ST6GALNAC5: variants seen among roughly 807,000 people sequenced by gnomAD.
ST6GALNAC5 encodes the protein alpha-N-acetylgalactosaminide alpha-2,6-sialyltransferase 5.
ST6GALNAC5 carries 27 observed loss-of-function variants against 33.6 expected under a neutral mutation model. That is an observed-to-expected ratio of 0.80 (90% CI 0.59 to 1.11). ST6GALNAC5 has a LOEUF of 1.11. Among genes scored for constraint, ST6GALNAC5 ranks in the 50% least tolerant of loss-of-function variants. ST6GALNAC5 has a pLI of 0.00. For missense variants in ST6GALNAC5, 428 were observed against 454.0 expected (o/e 0.94, Z 0.52); for synonymous variants, 194 against 171.2 (o/e 1.13, Z -1.04).
chr1:76,982,648 G>A (rs1019940544), intron 2 of ST6GALNAC5, among the ~76,000 whole-genome samples: 11 of 152,022 alleles, frequency 7.2e-5, no homozygotes, highest in African/African-American at 9.7e-5. Flanking sequence ...ATTCAAATTC[G>A]GGAAATACAG....
At chr1:76,952,009 C>G (rs778478396) in intron 2 of ST6GALNAC5, among the ~76,000 whole-genome samples, 7 of 152,134 alleles carry the variant, frequency 4.6e-5, no homozygotes, top group Non-Finnish European at 8.8e-5. Flanking sequence ...TAACAGTTTT[C>G]AAATAATAGA....
At chr1:76,940,655 C>T (rs1427850187) in intron 2 of ST6GALNAC5, among the ~76,000 whole-genome samples, 4 of 152,018 alleles carry the variant, frequency 2.6e-5, no homozygotes, top group African/African-American at 9.7e-5. Flanking sequence ...TGGTTCTTTG[C>T]CCCAGCTAGA....
chr1:76,869,238 C>T (rs891740647), intron 2 of ST6GALNAC5, among the ~76,000 whole-genome samples: 1 of 152,164 alleles, frequency 6.6e-6, no homozygotes, highest in Non-Finnish European at 1.5e-5. Flanking sequence ...GCTGAATTCT[C>T]TCAGCCCTGG....
chr1:76,965,941 C>A (rs778065239), intron 2 of ST6GALNAC5, among the ~76,000 whole-genome samples: 7 of 152,102 alleles, frequency 4.6e-5, no homozygotes, highest in Non-Finnish European at 8.8e-5. Flanking sequence ...ATTTCTGAGG[C>A]CTCTGTTCTG....
chr1:76,973,729 T>C (rs1648862575), intron 2 of ST6GALNAC5, among the ~76,000 whole-genome samples: 1 of 152,156 alleles, frequency 6.6e-6, no homozygotes, highest in African/African-American at 2.4e-5. Context: ...TATGATTTCA[T>C]TTTTAATAGG....
At chr1:76,876,715 G>T (rs543668561) in intron 2 of ST6GALNAC5, among the ~76,000 whole-genome samples, 1 of 152,178 alleles carries the variant, frequency 6.6e-6, no homozygotes. Context: ...TGCCCACTGC[G>T]AAGATTTCCC....
intron 2 of ST6GALNAC5, among the ~76,000 whole-genome samples, chr1:76,978,213 T>C (rs1649099332): frequency 6.6e-6 from 1 of 152,230 alleles, no homozygotes; most frequent in Non-Finnish European, 1.5e-5. Flanking sequence ...TTACATATTC[T>C]GCATATTAAC....
intron 2 of ST6GALNAC5, among the ~76,000 whole-genome samples, chr1:77,025,548 T>C (rs1334351693): frequency 6.7e-6 from 1 of 150,036 alleles, no homozygotes; most frequent in Non-Finnish European, 1.5e-5. Context: ...ATAGAGTAGA[T>C]CAATTTTGAT....
intron 2 of ST6GALNAC5, among the ~76,000 whole-genome samples, chr1:76,985,035 A>T (rs573779816): frequency 1.4e-3 from 207 of 152,354 alleles, no homozygotes; most frequent in Non-Finnish European, 2.7e-3. Context: ...AGAACTATTT[A>T]TGACAAACCC....
At chr1:76,896,224 CT>C (rs1490507029) in intron 2 of ST6GALNAC5, among the ~76,000 whole-genome samples, 2 of 152,188 alleles carry the variant, frequency 1.3e-5, no homozygotes, top group Admixed American at 6.5e-5. Context: ...AGGCCTCTAC[CT>C]ATCCAGTGAA....
rs1381693985 is a variant in ST6GALNAC5, at chr1:77,015,080, CACACACAT to C, written c.262-29123_262-29116del. Among the ~76,000 whole-genome samples the C allele has an allele frequency of 3.6e-3, 460 of 128,804 alleles. 2 individuals are homozygous for C. Among genetic ancestry groups the C allele is most frequent in the African/African-American group, 0.012 (309 of 25,974 alleles). 84.5% of individuals were successfully genotyped at this position (128,804 alleles called of 152,430 possible). A position where few individuals can be genotyped will look rare whatever the true frequency, so the allele number is the denominator to read the frequency against. On this transcript the variant is annotated intron_variant, in intron 2 of 4. Coordinates refer to ENST00000477717, the MANE Select transcript of ST6GALNAC5 (RefSeq NM_030965.3). Reference sequence around the variant, plus strand: ...ACACACACACACACACACACACACACACACACATGGAGCTTTATTATGAGAAGTTGGCT... The same window carrying C: ...ACACACACACACACACACACACACACGGAGCTTTATTATGAGAAGTTGGCT...
intron 4 of ST6GALNAC5, among the ~76,000 whole-genome samples, chr1:77,051,360 C>T (rs928277127): frequency 6.6e-6 from 1 of 152,026 alleles, no homozygotes; most frequent in African/African-American, 2.4e-5. Flanking sequence ...AAGAGTCAGG[C>T]CGCAAAGGAG....
At chr1:76,965,215 A>C (rs915906840) in intron 2 of ST6GALNAC5, among the ~76,000 whole-genome samples, 76 of 150,818 alleles carry the variant, frequency 5.0e-4, no homozygotes, top group Non-Finnish European at 7.8e-4. Context: ...TTAGTTTACC[A>C]CCCCCCCCAC....
intron 2 of ST6GALNAC5, among the ~76,000 whole-genome samples, chr1:76,888,718 T>C (rs762624560): frequency 6.6e-6 from 1 of 152,136 alleles, no homozygotes; most frequent in African/African-American, 2.4e-5. Context: ...ATTTCTATTC[T>C]TTCAATGTCA....
At chr1:76,933,187 A>G (rs996366153) in intron 2 of ST6GALNAC5, among the ~76,000 whole-genome samples, 1 of 152,080 alleles carries the variant, frequency 6.6e-6, no homozygotes, top group East Asian at 1.9e-4. Context: ...TAAAAAAGGC[A>G]TCTTCTATAT....
intron 2 of ST6GALNAC5, among the ~76,000 whole-genome samples, chr1:76,966,705 G>A (rs1392339049): frequency 6.6e-6 from 1 of 152,148 alleles, no homozygotes; most frequent in Non-Finnish European, 1.5e-5. Flanking sequence ...TCCAGTTTTT[G>A]CCCATTCAGT....
chr1:76,870,201 G>C (rs764460216), intron 2 of ST6GALNAC5, among the ~76,000 whole-genome samples: 1 of 152,168 alleles, frequency 6.6e-6, no homozygotes, highest in African/African-American at 2.4e-5. Flanking sequence ...TACATGCTTT[G>C]TATCTGCATG....
intron 2 of ST6GALNAC5, among the ~76,000 whole-genome samples, chr1:76,928,944 A>C (rs1557726452): frequency 6.6e-6 from 1 of 152,302 alleles, no homozygotes; most frequent in Non-Finnish European, 1.5e-5. Flanking sequence ...AATGGATTCA[A>C]TTAAGTGAGC....
chr1:76,884,810 T>C (rs1157200250), intron 2 of ST6GALNAC5, among the ~76,000 whole-genome samples: 3 of 152,160 alleles, frequency 2.0e-5, no homozygotes, highest in African/African-American at 7.2e-5. Context: ...TGCTGTTTGA[T>C]AAAAGAACAT....
Sources: allele counts gnomAD v4.1 joint callset (sites outside exome capture counted in the v4.1 genomes callset), GRCh38; gene constraint gnomAD v4.1.1; transcripts MANE v1.5; gene names NCBI Gene and HGNC (gene_info 2026-07-23, HGNC 2026-07-21).